Variants in SDCCAG8 observed in about 807,000 individuals in gnomAD.
SDCCAG8 encodes the protein serologically defined colon cancer antigen 8.
SDCCAG8 carries 74 observed loss-of-function variants against 101.8 expected under a neutral mutation model. That is an observed-to-expected ratio of 0.73 (90% CI 0.60 to 0.88). The LOEUF is 0.88. Among genes scored for constraint, SDCCAG8 ranks in the 40% least tolerant of loss-of-function variants. SDCCAG8 has a pLI of 0.00. For missense variants in SDCCAG8, 787 were observed against 822.6 expected, an observed-to-expected ratio of 0.96 and a Z score of 0.53; for synonymous variants, 281 against 292.9, an observed-to-expected ratio of 0.96 and a Z score of 0.41.
chr1:243,401,200 G>T (rs1196672425), intron 13 of SDCCAG8, among the ~76,000 whole-genome samples: 1 of 152,128 alleles, frequency 6.6e-6, no homozygotes, highest in African/African-American at 2.4e-5. Context: ...TGCTTTCTGG[G>T]TTCTCAAATT....
chr1:243,278,030 A>G (rs2068721430), intron 4 of SDCCAG8, among the ~76,000 whole-genome samples: 1 of 152,222 alleles, frequency 6.6e-6, no homozygotes, highest in South Asian at 2.1e-4. Flanking sequence ...CGATATCCAC[A>G]AAATAGGATT....
At chr1:243,292,697 G>T (rs1414521945) in intron 5 of SDCCAG8, among the ~76,000 whole-genome samples, 1 of 152,140 alleles carries the variant, frequency 6.6e-6, no homozygotes, top group Non-Finnish European at 1.5e-5. Context: ...ATAAAACAGG[G>T]TCTGGAACAT....
chr1:243,404,744 G>A lies in SDCCAG8; in HGVS notation c.1617-10958G>A, dbSNP rs527441200. Among the ~76,000 whole-genome samples, 124 of 152,104 alleles carry A rather than the reference G, an allele frequency of 8.2e-4. 1 individual carries two copies. Among genetic ancestry groups the A allele is most frequent in the African/African-American group, 2.7e-3 (113 of 41,500 alleles). On this transcript the variant is annotated intron_variant, in intron 13 of 17. Transcript: ENST00000366541. ...GGTTACTAGTCCATAGAATACAGCC[G>A]TAATTTCTGTATACATGCACATTGG...
intron 1 of SDCCAG8, among the ~76,000 whole-genome samples, chr1:243,259,627 C>A (rs1485278359): frequency 6.6e-6 from 1 of 151,906 alleles, no homozygotes; most frequent in East Asian, 1.9e-4. Context: ...CGAGAACAGC[C>A]TGAGCAATAT....
At chr1:243,498,398 T>C (rs1668571190) in intron 17 of SDCCAG8, among the ~76,000 whole-genome samples, 1 of 152,146 alleles carries the variant, frequency 6.6e-6, no homozygotes, top group African/African-American at 2.4e-5. Context: ...CAGGAAATTG[T>C]CCACCTGGCT....
intron 6 of SDCCAG8, among the ~76,000 whole-genome samples, chr1:243,294,654 C>T (rs2070661981): frequency 7.0e-6 from 1 of 142,506 alleles, no homozygotes; most frequent in Non-Finnish European, 1.5e-5. Context: ...CAGGATGTTT[C>T]TGAGTGTGTA....
intron 16 of SDCCAG8, among the ~76,000 whole-genome samples, chr1:243,436,961 G>A (rs1354235106): frequency 6.6e-6 from 1 of 152,144 alleles, no homozygotes; most frequent in Non-Finnish European, 1.5e-5. Flanking sequence ...GTACATTTCA[G>A]TGCTGAAAGT....
chr1:243,277,342 A>G (rs2068661750), intron 4 of SDCCAG8, among the ~76,000 whole-genome samples: 1 of 152,228 alleles, frequency 6.6e-6, no homozygotes. Context: ...CTGTTCTAAT[A>G]GATGTGTAGT....
chr1:243,405,144 G>C (rs2147984674), intron 13 of SDCCAG8, among the ~76,000 whole-genome samples: 1 of 152,232 alleles, frequency 6.6e-6, no homozygotes, highest in South Asian at 2.1e-4. Context: ...GGGATTACAG[G>C]TGTGAGCCAC....
intron 1 of SDCCAG8, among the ~76,000 whole-genome samples, chr1:243,265,631 G>A (rs1303111952): frequency 2.6e-5 from 4 of 152,120 alleles, no homozygotes; most frequent in Admixed American, 6.5e-5. Context: ...TGGCCAACAC[G>A]GTGAAACCCC....
chr1:243,476,687 T>G (rs1553374728), intron 16 of SDCCAG8, among the ~76,000 whole-genome samples: 2 of 152,200 alleles, frequency 1.3e-5, no homozygotes, highest in Non-Finnish European at 2.9e-5. Context: ...GGTAATTCAG[T>G]TGCAAATAGC....
chr1:243,400,694 C>T (rs1258276760), intron 13 of SDCCAG8, among the ~76,000 whole-genome samples: 1 of 152,104 alleles, frequency 6.6e-6, no homozygotes, highest in African/African-American at 2.4e-5. Context: ...TTCTAGAAAA[C>T]AAATTTGACA....
At chr1:243,267,541 G>T in intron 1 of SDCCAG8, 2 of 427,492 alleles carry the variant, frequency 4.7e-6, no homozygotes, top group South Asian at 4.2e-5. Flanking sequence ...GGCGGAGGGT[G>T]CGGTGAGCCG....
intron 16 of SDCCAG8, among the ~76,000 whole-genome samples, chr1:243,435,322 C>A (rs1166330924): frequency 6.6e-6 from 1 of 152,184 alleles, no homozygotes; most frequent in African/African-American, 2.4e-5. Flanking sequence ...TCCTCACTTT[C>A]TTGATCTCCA....
intron 13 of SDCCAG8, among the ~76,000 whole-genome samples, chr1:243,397,029 T>C (rs1305044172): frequency 6.6e-6 from 1 of 152,172 alleles, no homozygotes; most frequent in Non-Finnish European, 1.5e-5. Flanking sequence ...AGTGCCAGAA[T>C]AGCCCTGGCA....
chr1:243,303,562 C>T (rs557790807), intron 6 of SDCCAG8, among the ~76,000 whole-genome samples: 1 of 152,194 alleles, frequency 6.6e-6, no homozygotes, highest in South Asian at 2.1e-4. Context: ...AGGGTGAAGG[C>T]CTTTATGAGG....
At chr1:243,376,190 G>A (rs1345489780) in intron 12 of SDCCAG8, among the ~76,000 whole-genome samples, 2 of 152,120 alleles carry the variant, frequency 1.3e-5, no homozygotes, top group East Asian at 3.8e-4. Flanking sequence ...AAGACAGAGG[G>A]AAAAATCAGT....
chr1:243,439,448 A>T (rs928729174), intron 16 of SDCCAG8, among the ~76,000 whole-genome samples: 1 of 151,994 alleles, frequency 6.6e-6, no homozygotes, highest in Non-Finnish European at 1.5e-5. Context: ...ACATGGTAAA[A>T]CCCTGTCTCT....
rs558376334 is a variant in SDCCAG8, at chr1:243,273,638, A to C, written c.307-905A>C. 9.2e-5 allele frequency among the ~76,000 whole-genome samples: 14 copies of C among 152,302 alleles called. 1 individual carries two copies. In the East Asian group the frequency reaches 2.7e-3, roughly 29 times the overall value. The stretch of plus-strand genomic sequence containing the variant: ...ACATTTTGCTAATGTATCTTTTTTG[A>C]GATGGAATTTCATCGCATTGACACT... On this transcript the variant is annotated intron_variant, in intron 3 of 17. Coordinates refer to ENST00000366541, the MANE Select transcript of SDCCAG8 (RefSeq NM_006642.5).
Sources: gnomAD v4.1 joint callset for allele counts (sites outside exome capture counted in the v4.1 genomes callset) on GRCh38, gnomAD v4.1.1 for gene constraint, MANE v1.5 for transcripts, NCBI Gene and HGNC (gene_info 2026-07-23, HGNC 2026-07-21) for gene names.